SNX9: variants seen among roughly 807,000 people sequenced by gnomAD.
SNX9 encodes the protein sorting nexin-9.
Under a neutral mutation model 89.4 loss-of-function variants are expected in SNX9, and 44 were observed. The observed-to-expected ratio is 0.49, with a 90% CI of 0.39 to 0.63. The LOEUF (loss-of-function observed/expected upper bound fraction) is 0.63, where lower values mean the gene tolerates loss of function less well. Ranked by LOEUF, SNX9 falls within the 30% of genes least tolerant of loss-of-function variation. The pLI is 0.00. For missense variants in SNX9, 578 were observed against 736.1 expected, an observed-to-expected ratio of 0.79 and a Z score of 2.49; for synonymous variants, 236 against 247.8, an observed-to-expected ratio of 0.95 and a Z score of 0.45.
intron 2 of SNX9, among the ~76,000 whole-genome samples, chr6:157,871,190 A>G (rs896082893): frequency 2.0e-4 from 31 of 152,158 alleles, no homozygotes; most frequent in African/African-American, 7.2e-4. Flanking sequence ...GACCAGCCTT[A>G]GTAACATGGC....
In SNX9 at chr6:157,932,216, A is replaced by G; in HGVS notation, c.1310A>G (p.Lys437Arg). Reference sequence around the variant, plus strand: ...TCAGCATTACCCAAGGAATATCAGAAGATAGGAAAGGCCTTGCAGAGTTTG... The same window carrying G: ...TCAGCATTACCCAAGGAATATCAGAGGATAGGAAAGGCCTTGCAGAGTTTG... Reference protein sequence around the residue: ...CTGPLPKEYQKIGKALQSLAT... With the variant: ...CTGPLPKEYQRIGKALQSLAT... The change falls in exon 13 of 18, where the codon AAG (lysine) becomes AGG (arginine). Residue 437 changes from lysine to arginine, a missense_variant. Physicochemically the swap from Lys to Arg is conservative, Grantham distance 26. Around this residue, in one of 2 missense-constraint regions of SNX9, gnomAD observed 348 missense variants for 491.4 expected, o/e 0.71. Transcript: ENST00000392185. 1 of 1,614,192 alleles carries G rather than the reference A, an allele frequency of 6.2e-7. No homozygotes were observed. Among genetic ancestry groups the G allele is most frequent in the Non-Finnish European group, 8.5e-7 (1 of 1,180,024 alleles).
intron 10 of SNX9, among the ~76,000 whole-genome samples, chr6:157,923,995 C>T (rs1010002684): frequency 3.9e-5 from 6 of 152,098 alleles, no homozygotes; most frequent in African/African-American, 1.2e-4. Flanking sequence ...GTCAAGAGTT[C>T]GAGACCAGCC....
At chr6:157,862,680 T>G (rs1782165213) in intron 1 of SNX9, among the ~76,000 whole-genome samples, 1 of 152,240 alleles carries the variant, frequency 6.6e-6, no homozygotes, top group Non-Finnish European at 1.5e-5. Flanking sequence ...TGCCAGGGTT[T>G]TGTGAATTTT....
At chr6:157,835,412 C>CT (rs757017383) in intron 1 of SNX9, among the ~76,000 whole-genome samples, 3,290 of 130,724 alleles carry the variant, frequency 0.025, 105 homozygotes, top group African/African-American at 0.071. Context: ...CATTCCCCTT[C>CT]TTTTTTTTTT....
At chr6:157,854,934 C>T (rs1171207440) in intron 1 of SNX9, among the ~76,000 whole-genome samples, 1 of 145,770 alleles carries the variant, frequency 6.9e-6, no homozygotes, top group Non-Finnish European at 1.5e-5. Flanking sequence ...ATTTTTTTGA[C>T]GGGATAATAG....
intron 1 of SNX9, among the ~76,000 whole-genome samples, chr6:157,860,529 G>A (rs188816435): frequency 4.6e-5 from 7 of 152,340 alleles, no homozygotes; most frequent in Non-Finnish European, 7.3e-5. Flanking sequence ...CTTGGTAATC[G>A]TGATGGTACA....
intron 1 of SNX9, among the ~76,000 whole-genome samples, chr6:157,849,317 A>G (rs991346275): frequency 2.0e-5 from 3 of 152,238 alleles, no homozygotes; most frequent in Non-Finnish European, 4.4e-5. Flanking sequence ...ATGAGGATAC[A>G]TGGTCAGCCT....
intron 1 of SNX9, among the ~76,000 whole-genome samples, chr6:157,834,588 C>A (rs1781548556): frequency 6.6e-6 from 1 of 151,992 alleles, no homozygotes; most frequent in South Asian, 2.1e-4. Flanking sequence ...CTCCTAGGCT[C>A]AAACGATCCT....
rs1451873563 is a variant in SNX9 at position 157,943,353 on chromosome 6, T to TA, written c.*516dup. ...GGCTCCTGTCATTGAGGGAAGTCGT[T>TA]ACGCCTTTCACTGCCACAGTTACAG... On this transcript the variant is annotated 3_prime_UTR_variant, in exon 18 of 18. Transcript: ENST00000392185. The TA allele has an allele frequency of 3.3e-5, 5 of 152,360 alleles. No individual in the cohort carries two copies. Among genetic ancestry groups the TA allele is most frequent in the African/African-American group, 9.6e-5 (4 of 41,468 alleles). 9.4% of individuals were successfully genotyped at this position (152,360 alleles called of 1,614,324 possible). A position where few individuals can be genotyped will look rare whatever the true frequency, so the allele number is the denominator to read the frequency against.
intron 10 of SNX9, among the ~76,000 whole-genome samples, chr6:157,922,315 C>G (rs1426428936): frequency 1.3e-5 from 2 of 152,210 alleles, no homozygotes; most frequent in East Asian, 3.8e-4. Context: ...ATTTTATTCT[C>G]TAAAGATGTT....
At chr6:157,901,491 T>C (rs1783097186) in intron 5 of SNX9, among the ~76,000 whole-genome samples, 1 of 152,204 alleles carries the variant, frequency 6.6e-6, no homozygotes, top group South Asian at 2.1e-4. Context: ...TTTAGGTCTG[T>C]AATCTATTTT....
At position 157,877,930 on chromosome 6, in the gene SNX9, A is replaced by T. The variant is rs1217708150; in HGVS notation, c.300+2754A>T. Among the ~76,000 whole-genome samples, 4 of 152,156 alleles carry T rather than the reference A, an allele frequency of 2.6e-5. No individual in the cohort carries two copies. In the East Asian group the frequency reaches 7.7e-4, roughly 29 times the overall value. ...CTGAGTGTCGTATTTTTCTTTAAGT[A>T]TATCTTTTTAAAGATCTCTTTGAAT... On this transcript the variant is annotated intron_variant, in intron 4 of 17. Coordinates refer to ENST00000392185, the MANE Select transcript of SNX9 (RefSeq NM_016224.5).
chr6:157,900,216 G>T (rs1180383997), intron 5 of SNX9, among the ~76,000 whole-genome samples: 2 of 152,110 alleles, frequency 1.3e-5, no homozygotes, highest in East Asian at 3.8e-4. Flanking sequence ...TTCTTTGTGT[G>T]TGATGTTGAG....
intron 1 of SNX9, among the ~76,000 whole-genome samples, chr6:157,834,147 GTGGTTTTTTT>G (rs1781527360): frequency 2.8e-5 from 2 of 71,232 alleles, no homozygotes; most frequent in African/African-American, 1.9e-4. Flanking sequence ...GGTGTCCACT[GTGGTTTTTTT>G]TTTTTTTTTT....
chr6:157,847,395 G>A (rs561231467), intron 1 of SNX9, among the ~76,000 whole-genome samples: 79 of 152,234 alleles, frequency 5.2e-4, no homozygotes, highest in African/African-American at 1.5e-3. Flanking sequence ...GAGCCACTGC[G>A]CCCAGCCTTG....
intron 3 of SNX9, among the ~76,000 whole-genome samples, chr6:157,873,742 AT>A (rs1357567563): frequency 6.6e-6 from 1 of 152,006 alleles, no homozygotes; most frequent in African/African-American, 2.4e-5. Flanking sequence ...GTTTAAATAG[AT>A]TTTTTTAAGT....
intron 4 of SNX9, among the ~76,000 whole-genome samples, chr6:157,890,044 C>T (rs1452003184): frequency 6.6e-6 from 1 of 152,208 alleles, no homozygotes; most frequent in African/African-American, 2.4e-5. Flanking sequence ...GGGATTCAAA[C>T]CCAGATAGCA....
intron 4 of SNX9, among the ~76,000 whole-genome samples, chr6:157,892,510 A>G (rs1207200118): frequency 2.6e-5 from 4 of 152,176 alleles, no homozygotes; most frequent in Non-Finnish European, 5.9e-5. Flanking sequence ...ATAGAAACAA[A>G]CATAACCACA....
intron 13 of SNX9, chr6:157,934,082 G>A (rs1783872577): frequency 6.6e-6 from 1 of 152,204 alleles, no homozygotes; most frequent in South Asian, 2.1e-4. Context: ...TGGCGTCTTA[G>A]AGCAGTGCTA....
Sources: allele counts gnomAD v4.1 joint callset (sites outside exome capture counted in the v4.1 genomes callset), GRCh38; gene constraint gnomAD v4.1.1; regional missense constraint gnomAD v4.1.1; transcripts MANE v1.5; gene names NCBI Gene and HGNC (gene_info 2026-07-23, HGNC 2026-07-21).